Variants in RIMKLB observed in about 807,000 individuals in gnomAD.
RIMKLB encodes the protein beta-citrylglutamate synthase B.
Under a neutral mutation model 32.0 loss-of-function variants are expected in RIMKLB, and 7 were observed. The observed-to-expected ratio is 0.22, with a 90% CI of 0.12 to 0.41. RIMKLB has a LOEUF of 0.41. RIMKLB is among the 10% of genes least tolerant of loss of function. The pLI is 1.00. For missense variants in RIMKLB, 289 were observed against 498.7 expected (o/e 0.58, Z 4.00); for synonymous variants, 172 against 185.1 (o/e 0.93, Z 0.57).
intron 2 of RIMKLB, among the ~76,000 whole-genome samples, chr12:8,733,780 A>C (rs1484043541): frequency 4.6e-5 from 7 of 152,150 alleles, no homozygotes; most frequent in Non-Finnish European, 7.4e-5. Context: ...CTACTCGGAG[A>C]GGCTGAGGTA....
At chr12:8,696,649 A>G (rs894501870), upstream of RIMKLB, among the ~76,000 whole-genome samples, 5 of 152,220 alleles carry the variant, frequency 3.3e-5, no homozygotes, top group Admixed American at 3.3e-4. Flanking sequence ...TAGGGAGTGG[A>G]ACCATAAATC....
chr12:8,675,781 G>C, the RIMKLB span, among the ~76,000 whole-genome samples: 1 of 148,776 alleles, frequency 6.7e-6, no homozygotes, highest in Non-Finnish European at 1.5e-5. Context: ...ACATATAGTT[G>C]TTTTCTTGTT....
chr12:8,717,367 C>T (rs115244499), intron 2 of RIMKLB, among the ~76,000 whole-genome samples: 176 of 152,164 alleles, frequency 1.2e-3, no homozygotes, highest in African/African-American at 4.1e-3. Context: ...AATGTTTTCA[C>T]AGTCAGGTTA....
chr12:8,716,725 C>CTTTTTTTTTT (rs71451981), intron 2 of RIMKLB, among the ~76,000 whole-genome samples: 42 of 95,164 alleles, frequency 4.4e-4, no homozygotes, highest in East Asian at 6.5e-4. Context: ...TCTTTTCCTT[C>CTTTTTTTTTT]TTTTTTTTTT....
chr12:8,771,958 G>A (rs1950443345), intron 5 of RIMKLB, among the ~76,000 whole-genome samples: 1 of 152,066 alleles, frequency 6.6e-6, no homozygotes, highest in South Asian at 2.1e-4. Flanking sequence ...GCACAATCTT[G>A]GCTCACAGCA....
intron 5 of RIMKLB, among the ~76,000 whole-genome samples, chr12:8,770,233 G>T (rs776782771): frequency 1.4e-4 from 21 of 152,166 alleles, no homozygotes; most frequent in Non-Finnish European, 2.8e-4. Context: ...ATAGTGCTGG[G>T]ATTACAGGCA....
chr12:8,734,709 T>G (rs1364799699), intron 2 of RIMKLB, among the ~76,000 whole-genome samples: 1 of 152,174 alleles, frequency 6.6e-6, no homozygotes, highest in Non-Finnish European at 1.5e-5. Flanking sequence ...TCTCAAAGTT[T>G]ATTTTAGTTG....
intron 2 of RIMKLB, among the ~76,000 whole-genome samples, chr12:8,736,298 A>C (rs1189588732): frequency 6.6e-6 from 1 of 152,192 alleles, no homozygotes; most frequent in Admixed American, 6.5e-5. Flanking sequence ...TGAAAAGTCT[A>C]CTAGCTTTGT....
chr12:8,701,672 C>G (rs1451355215), intron 1 of RIMKLB, among the ~76,000 whole-genome samples: 2 of 145,898 alleles, frequency 1.4e-5, no homozygotes, highest in Non-Finnish European at 3.0e-5. Flanking sequence ...TTTAAGAGAA[C>G]CCGAAAACAT....
intron 2 of RIMKLB, among the ~76,000 whole-genome samples, chr12:8,717,044 T>A (rs1014108429): frequency 1.3e-5 from 2 of 150,770 alleles, no homozygotes; most frequent in African/African-American, 4.9e-5. Context: ...CAGGCATTTC[T>A]AGGAGGGTTT....
downstream of RIMKLB, chr12:8,777,234 T>TTTTTTTCTTC: frequency 1.0e-6 from 1 of 973,238 alleles, no homozygotes; most frequent in Non-Finnish European, 1.2e-6. Context: ...TTTTTTTTTT[T>TTTTTTTCTTC]TTTTTTCTTC....
chr12:8,776,747 C>A lies in RIMKLB; in HGVS notation c.*2963C>A. On this transcript the variant is annotated 3_prime_UTR_variant, in exon 6 of 6. Transcript: ENST00000535829. The stretch of plus-strand genomic sequence containing the variant: ...TTCTCCAATGAACATTGAAATCTTC[C>A]TGTATATGTTACCAATAAGAAAACT... 1 of 985,198 alleles carries A rather than the reference C, an allele frequency of 1.0e-6. No individual in the cohort carries two copies. Among genetic ancestry groups the A allele is most frequent in the Non-Finnish European group, 1.2e-6 (1 of 829,860 alleles). 61.0% of individuals were successfully genotyped at this position (985,198 alleles called of 1,614,324 possible). A position where few individuals can be genotyped will look rare whatever the true frequency, so the allele number is the denominator to read the frequency against.
intron 5 of RIMKLB, among the ~76,000 whole-genome samples, chr12:8,771,483 A>ATAT (rs1025349169): frequency 4.6e-5 from 7 of 152,224 alleles, no homozygotes; most frequent in African/African-American, 9.6e-5. Flanking sequence ...AAAAACCAAT[A>ATAT]TATAATTTAG....
At chr12:8,752,235 A>ATG (rs1948671553) in intron 4 of RIMKLB, among the ~76,000 whole-genome samples, 192 bp downstream of exon 4, 1 of 152,226 alleles carries the variant, frequency 6.6e-6, no homozygotes, top group South Asian at 2.1e-4. Context: ...TTTAACATAC[A>ATG]TACTTAGACT....
intron 1 of RIMKLB, among the ~76,000 whole-genome samples, chr12:8,710,304 CTTCT>C (rs1472137960): frequency 6.9e-6 from 1 of 144,846 alleles, no homozygotes. Context: ...TGTTTGTTTC[CTTCT>C]TTTTTTTTTT....
chr12:8,674,688 T>A, the RIMKLB span, among the ~76,000 whole-genome samples: 2 of 151,350 alleles, frequency 1.3e-5, no homozygotes, highest in Non-Finnish European at 2.9e-5. Flanking sequence ...TAGCTGGGAT[T>A]AGAGGCATGT....
At chr12:8,683,244 G>A (rs1340188339) in intron 1 of RIMKLB, among the ~76,000 whole-genome samples, 1 of 152,164 alleles carries the variant, frequency 6.6e-6, no homozygotes, top group Non-Finnish European at 1.5e-5. Flanking sequence ...TTTTGTGTGG[G>A]CACTAAGTTT....
chr12:8,778,515 G>A (rs903851064), downstream of RIMKLB, among the ~76,000 whole-genome samples: 19 of 152,134 alleles, frequency 1.2e-4, no homozygotes, highest in African/African-American at 4.1e-4. Flanking sequence ...GAACAGATAG[G>A]AGGACATTTC....
chr12:8,676,491 C>A, the RIMKLB span, among the ~76,000 whole-genome samples: 2,036 of 145,146 alleles, frequency 0.014, 35 homozygotes, highest in African/African-American at 0.046. Context: ...CTCTGCCTCC[C>A]GGGTTCAAGT....
Sources: gnomAD v4.1 joint callset for allele counts (sites outside exome capture counted in the v4.1 genomes callset) on GRCh38, gnomAD v4.1.1 for gene constraint, MANE v1.5 for transcripts, NCBI Gene and HGNC (gene_info 2026-07-23, HGNC 2026-07-21) for gene names.